The following USP34 variants were observed in gnomAD, a reference collection of about 807,000 sequenced individuals.
The protein encoded by USP34 is ubiquitin specific peptidase 34, also known as ubiquitin carboxyl-terminal hydrolase 34.
In USP34, 70 loss-of-function variants were observed where a neutral mutation model predicts 460.3. The ratio of observed to expected loss-of-function variants is 0.15; its 90% CI spans 0.13 to 0.19. The LOEUF is 0.19. Ranked by LOEUF, USP34 falls within the 10% of genes least tolerant of loss-of-function variation. The pLI, the probability that USP34 is intolerant of heterozygous loss-of-function variation, is 1.00. For missense variants in USP34, 3,985 were observed against 4,236.2 expected (o/e 0.94, Z 1.65); for synonymous variants, 1,647 against 1,405.3 (o/e 1.17, Z -3.85).
At chr2:61,253,384 G>C (rs1487636245) in intron 48 of USP34, among the ~76,000 whole-genome samples, 16 of 152,282 alleles carry the variant, frequency 1.1e-4, no homozygotes, top group Non-Finnish European at 1.5e-5. Context: ...CTCTACAGCA[G>C]TTAACTTTTG....
intron 15 of USP34, 54 bp from the exon 16 acceptor site, chr2:61,344,083 G>A (rs1453808710): frequency 2.6e-6 from 4 of 1,545,326 alleles, no homozygotes; most frequent in Admixed American, 1.7e-5. Context: ...AATCTAATTT[G>A]TGAACCACAA....
intron 1 of USP34, among the ~76,000 whole-genome samples, chr2:61,456,179 T>C (rs1397322238): frequency 1.3e-5 from 2 of 152,224 alleles, no homozygotes; most frequent in Non-Finnish European, 2.9e-5. Context: ...GTTTTCAGTG[T>C]ATTAGATATC....
intron 14 of USP34, 86 bp from the exon 15 acceptor site, chr2:61,348,566 A>T: frequency 6.7e-7 from 1 of 1,497,376 alleles, no homozygotes; most frequent in Non-Finnish European, 8.9e-7. Context: ...TACTTTTTAA[A>T]AAGGCTGCCA....
At chr2:61,330,847 C>T (rs1367342446) in intron 20 of USP34, among the ~76,000 whole-genome samples, 1 of 152,010 alleles carries the variant, frequency 6.6e-6, no homozygotes, top group East Asian at 1.9e-4. Flanking sequence ...TTCCACACGT[C>T]CTAAACTTTC....
intron 53 of USP34, 69 bp downstream of exon 53, chr2:61,241,491 A>T (rs962207936): frequency 3.5e-6 from 4 of 1,128,870 alleles, no homozygotes; most frequent in Non-Finnish European, 5.0e-6. Flanking sequence ...CTGTTCTTAC[A>T]CTACAGTATT....
At chr2:61,439,757 G>C (rs1436043552) in intron 1 of USP34, among the ~76,000 whole-genome samples, 1 of 152,228 alleles carries the variant, frequency 6.6e-6, no homozygotes, top group Non-Finnish European at 1.5e-5. Flanking sequence ...GGAGGCAGGA[G>C]GCTGTGGGCA....
chr2:61,386,820 A>G (rs1693160701), intron 5 of USP34, among the ~76,000 whole-genome samples: 1 of 152,190 alleles, frequency 6.6e-6, no homozygotes, highest in Non-Finnish European at 1.5e-5. Context: ...CTTTGTAAGT[A>G]TCTTCATGGC....
chr2:61,448,166 T>C (rs752483073), intron 1 of USP34, among the ~76,000 whole-genome samples: 8 of 152,196 alleles, frequency 5.3e-5, no homozygotes, highest in Non-Finnish European at 1.5e-5. Context: ...TCAATGAAAA[T>C]GTCAACACAA....
chr2:61,188,597 T>G lies in USP34; in HGVS notation c.10146A>C (p.Pro3382=). ...TGGTCTCATTGTCAGAAGTGCTCGT[T>G]GGGGTCAGGACCTCCCTGGTTTCTG... The part of the protein sequence containing the change: ...MKTETREVLT[P]TSTSDNETRD... Residue 3382 remains proline, a synonymous_variant, in exon 80 of 80, where the codon CCA becomes CCC. Transcript: ENST00000398571. The G allele has an allele frequency of 6.2e-7, 1 of 1,614,216 alleles. No individual in the cohort carries two copies. The highest frequency in any genetic ancestry group is 8.5e-7 in the Non-Finnish European group (1 of 1,180,040).
At chr2:61,306,298 T>C (rs1370775223) in intron 27 of USP34, among the ~76,000 whole-genome samples, 1 of 152,244 alleles carries the variant, frequency 6.6e-6, no homozygotes, top group Admixed American at 6.5e-5. Flanking sequence ...GGCTAGCCAG[T>C]TTTCCCAGCA....
intron 58 of USP34, among the ~76,000 whole-genome samples, chr2:61,230,625 C>A (rs1469200322): frequency 2.0e-5 from 3 of 152,022 alleles, no homozygotes; most frequent in East Asian, 3.9e-4. Flanking sequence ...GGCAAATCAC[C>A]TGAGGTGAGG....
At chr2:61,319,882 G>T (rs1479574276) in intron 21 of USP34, among the ~76,000 whole-genome samples, 2 of 152,068 alleles carry the variant, frequency 1.3e-5, no homozygotes, top group African/African-American at 2.4e-5. Context: ...TTCTTATTTA[G>T]AAGTTAACAC....
chr2:61,414,083 C>A (rs1694126798), intron 2 of USP34, among the ~76,000 whole-genome samples: 1 of 152,066 alleles, frequency 6.6e-6, no homozygotes, highest in Admixed American at 6.6e-5. Context: ...CATGGGGAAA[C>A]CCTGTCTCTA....
chr2:61,464,156 T>A (rs1007425594), intron 1 of USP34, among the ~76,000 whole-genome samples: 7 of 152,108 alleles, frequency 4.6e-5, no homozygotes, highest in Non-Finnish European at 8.8e-5. Flanking sequence ...TAGTCTCGAC[T>A]AAAAATACAA....
chr2:61,466,531 T>G (rs1695766998), intron 1 of USP34, among the ~76,000 whole-genome samples: 2 of 152,234 alleles, frequency 1.3e-5, no homozygotes, highest in Non-Finnish European at 1.5e-5. Context: ...TAACTTCAAC[T>G]GATCACTATA....
chr2:61,316,034 T>C (rs1015627024), intron 23 of USP34, among the ~76,000 whole-genome samples: 18 of 140,388 alleles, frequency 1.3e-4, no homozygotes, highest in Non-Finnish European at 2.2e-4. Flanking sequence ...ACCCTGTCTC[T>C]ACTTTAAAAA....
At chr2:61,235,759 C>T in intron 57 of USP34, 86 bp downstream of exon 57, 1 of 1,374,140 alleles carries the variant, frequency 7.3e-7, no homozygotes, top group Non-Finnish European at 9.9e-7. Context: ...ACAGATAAAA[C>T]AACTCTGCTG....
intron 69 of USP34, among the ~76,000 whole-genome samples, chr2:61,211,223 A>G (rs1687265180): frequency 6.6e-6 from 1 of 152,222 alleles, no homozygotes; most frequent in East Asian, 1.9e-4. Context: ...CTTAGATGTA[A>G]TACATAGAAG....
At chr2:61,273,243 T>C (rs1012224990) in intron 41 of USP34, among the ~76,000 whole-genome samples, 3 of 152,216 alleles carry the variant, frequency 2.0e-5, no homozygotes, top group Non-Finnish European at 4.4e-5. Flanking sequence ...CAACAAATCA[T>C]ACTCTTCCAC....
Sources: allele counts gnomAD v4.1 joint callset (sites outside exome capture counted in the v4.1 genomes callset), GRCh38; gene constraint gnomAD v4.1.1; transcripts MANE v1.5; gene names NCBI Gene and HGNC (gene_info 2026-07-23, HGNC 2026-07-21).